IQCM: variants seen among roughly 807,000 people sequenced by gnomAD.
The protein encoded by IQCM is IQ motif containing M, also known as IQ domain-containing protein M.
In IQCM, 45 loss-of-function variants were observed where a neutral mutation model predicts 57.6. That is an observed-to-expected ratio of 0.78 (90% confidence interval 0.62 to 1.00). IQCM has a LOEUF of 1.00. IQCM is among the 50% of genes least tolerant of loss of function. The probability of loss-of-function intolerance (pLI) is 0.00; values close to 1 mark genes in which losing one functional copy is unlikely to be tolerated. For missense variants in IQCM, 468 were observed against 511.6 expected (o/e 0.91, Z 0.82); for synonymous variants, 148 against 158.9 (o/e 0.93, Z 0.51).
At chr4:149,804,051 G>A (rs1389167540) in intron 2 of IQCM, among the ~76,000 whole-genome samples, 1 of 151,880 alleles carries the variant, frequency 6.6e-6, no homozygotes, top group African/African-American at 2.4e-5. Context: ...TTCCCCACAT[G>A]GAAGGCTATA....
chr4:149,589,942 A>C (rs568238094), intron 8 of IQCM, among the ~76,000 whole-genome samples: 1 of 152,186 alleles, frequency 6.6e-6, no homozygotes, highest in Admixed American at 6.6e-5. Flanking sequence ...TTTACACAAA[A>C]CAATACACTT....
chr4:149,377,805 T>C (rs4467541), intron 13 of IQCM, among the ~76,000 whole-genome samples: 5,524 of 152,162 alleles, frequency 0.036, 307 homozygotes, highest in African/African-American at 0.12. Flanking sequence ...ATTTAGCCCA[T>C]GAAAATCAGC....
At chr4:149,399,911 G>A (rs1732493587) in intron 13 of IQCM, among the ~76,000 whole-genome samples, 1 of 152,072 alleles carries the variant, frequency 6.6e-6, no homozygotes, top group Non-Finnish European at 1.5e-5. Flanking sequence ...GAAAAGGCTA[G>A]AATTTATGTA....
chr4:149,534,821 T>C (rs148281009), intron 12 of IQCM, among the ~76,000 whole-genome samples: 3 of 152,136 alleles, frequency 2.0e-5, no homozygotes, highest in East Asian at 1.9e-4. Flanking sequence ...GAAACTCTTA[T>C]GGACCAATCA....
chr4:149,671,130 T>C (rs531720129), intron 7 of IQCM, among the ~76,000 whole-genome samples: 20 of 152,230 alleles, frequency 1.3e-4, no homozygotes, highest in Admixed American at 1.2e-3. Context: ...CTCTTTTTGG[T>C]TGGTAGGCTA....
At chr4:149,480,172 T>C (rs1740628292) in intron 12 of IQCM, among the ~76,000 whole-genome samples, 1 of 152,214 alleles carries the variant, frequency 6.6e-6, no homozygotes, top group South Asian at 2.1e-4. Context: ...TTTTAGTTTT[T>C]TTCTTTTTAA....
At chr4:149,700,603 T>C (rs1763696711) in intron 5 of IQCM, among the ~76,000 whole-genome samples, 1 of 152,024 alleles carries the variant, frequency 6.6e-6, no homozygotes, top group Admixed American at 6.6e-5. Context: ...ATTAAAAACA[T>C]TTATTCTCTC....
chr4:149,671,589 T>C (rs1761291919), intron 7 of IQCM, among the ~76,000 whole-genome samples: 2 of 152,214 alleles, frequency 1.3e-5, no homozygotes, highest in African/African-American at 4.8e-5. Context: ...ATTTTAGATC[T>C]TTCCTGCTTT....
At chr4:149,438,702 G>T (rs1048884220) in intron 12 of IQCM, among the ~76,000 whole-genome samples, 19 of 152,128 alleles carry the variant, frequency 1.2e-4, no homozygotes, top group Non-Finnish European at 2.2e-4. Context: ...ATCCAAAGCA[G>T]CCCCATTCTT....
intron 9 of IQCM, among the ~76,000 whole-genome samples, chr4:149,571,405 C>A (rs937703956): frequency 6.6e-6 from 1 of 152,046 alleles, no homozygotes; most frequent in African/African-American, 2.4e-5. Flanking sequence ...AAGGCAAATA[C>A]CACATGACCT....
At chr4:149,713,003 T>C (rs1052237937) in intron 5 of IQCM, among the ~76,000 whole-genome samples, 1 of 151,480 alleles carries the variant, frequency 6.6e-6, no homozygotes, top group Non-Finnish European at 1.5e-5. Flanking sequence ...CTAATAGTAA[T>C]GTTCACTAGC....
At chr4:149,776,148 A>G (rs1469552936) in intron 2 of IQCM, among the ~76,000 whole-genome samples, 2 of 152,108 alleles carry the variant, frequency 1.3e-5, no homozygotes, top group Admixed American at 6.5e-5. Flanking sequence ...ATTTAATTTA[A>G]TTTAAATTTA....
intron 13 of IQCM, among the ~76,000 whole-genome samples, chr4:149,425,910 A>G (rs1734431220): frequency 6.6e-6 from 1 of 152,048 alleles, no homozygotes; most frequent in African/African-American, 2.4e-5. Context: ...ATATTACTTC[A>G]AGATCTATCT....
intron 7 of IQCM, among the ~76,000 whole-genome samples, chr4:149,638,922 AACT>A (rs1757949849): frequency 2.8e-5 from 1 of 36,052 alleles, no homozygotes; most frequent in Non-Finnish European, 4.9e-5. Context: ...CTAAGTCCTA[AACT>A]GGCAAAAAGT....
At chr4:149,421,201 AAC>A (rs1186868222) in intron 13 of IQCM, among the ~76,000 whole-genome samples, 1 of 152,110 alleles carries the variant, frequency 6.6e-6, no homozygotes, top group Non-Finnish European at 1.5e-5. Context: ...GGTACATAAT[AAC>A]ACAGTATACA....
intron 5 of IQCM, among the ~76,000 whole-genome samples, chr4:149,720,127 A>G (rs1042705174): frequency 1.5e-4 from 23 of 152,248 alleles, no homozygotes; most frequent in African/African-American, 5.5e-4. Context: ...AGTACAAAAC[A>G]TTGAACAAAC....
intron 5 of IQCM, among the ~76,000 whole-genome samples, chr4:149,707,435 A>G (rs1764240814): frequency 6.6e-6 from 1 of 152,012 alleles, no homozygotes; most frequent in Non-Finnish European, 1.5e-5. Context: ...GACCCGGAGC[A>G]TCCCTGAAAT....
chr4:149,643,547 C>A (rs887321464), intron 7 of IQCM, among the ~76,000 whole-genome samples: 1 of 152,060 alleles, frequency 6.6e-6, no homozygotes, highest in African/African-American at 2.4e-5. Flanking sequence ...CAGAATACAG[C>A]AACAATAAAA....
intron 13 of IQCM, among the ~76,000 whole-genome samples, chr4:149,388,063 A>G (rs1464089942): frequency 1.3e-5 from 2 of 152,062 alleles, no homozygotes. Context: ...CAGAAATAGC[A>G]TATTGTGTTT....
Sources: allele counts gnomAD v4.1 joint callset (sites outside exome capture counted in the v4.1 genomes callset), GRCh38; gene constraint gnomAD v4.1.1; transcripts MANE v1.5; gene names NCBI Gene and HGNC (gene_info 2026-07-23, HGNC 2026-07-21).